Variants in DDX21 observed in about 807,000 individuals in gnomAD.
DDX21 encodes nucleolar RNA helicase 2.
DDX21 carries 18 observed loss-of-function variants against 90.0 expected under a neutral mutation model. That is an observed-to-expected ratio of 0.20 (90% CI 0.14 to 0.30). The LOEUF is 0.30. Among genes scored for constraint, DDX21 ranks in the 10% least tolerant of loss-of-function variants. The pLI is 1.00. For missense variants in DDX21, 673 were observed against 944.5 expected, an observed-to-expected ratio of 0.71 and a Z score of 3.77; for synonymous variants, 294 against 318.0, an observed-to-expected ratio of 0.92 and a Z score of 0.80.
chr10:68,978,765 G>C, intron 12 of DDX21, 77 bp from the exon 13 acceptor site: 1 of 1,522,912 alleles, frequency 6.6e-7, no homozygotes, highest in Admixed American at 2.1e-5. Context: ...AAATATTTTA[G>C]AATCACAAAA....
At chr10:68,963,234 G>T in intron 3 of DDX21, 57 bp from the exon 4 acceptor site, 1 of 1,520,734 alleles carries the variant, frequency 6.6e-7, no homozygotes, top group South Asian at 1.3e-5. Flanking sequence ...CAGTATGTCA[G>T]TATGGCTAAT....
In DDX21 at chr10:68,959,849, TAGC is replaced by T. The variant is rs771729798; in HGVS notation, c.134_136del (p.Ala45del). On this transcript the variant is annotated inframe_deletion, in exon 2 of 15. Transcript: ENST00000354185. ...CCAAAATCTGATAAGACTGAAGAGATAGCAGAAGAGGAAGAAACTGTTTTCCCC... is the reference window on the plus strand; with the variant it reads ...CCAAAATCTGATAAGACTGAAGAGATAGAAGAGGAAGAAACTGTTTTCCCC... 1 of 1,577,252 alleles carries T rather than the reference TAGC, an allele frequency of 6.3e-7. No individual in the cohort carries two copies. Among genetic ancestry groups the T allele is most frequent in the South Asian group, 1.2e-5 (1 of 83,044 alleles).
intron 6 of DDX21, among the ~76,000 whole-genome samples, chr10:68,968,542 A>G (rs7076441): frequency 0.11 from 16,754 of 152,204 alleles, 1,099 homozygotes; most frequent in Admixed American, 0.17. Flanking sequence ...TACATTGTCA[A>G]ATTCTCTCCA....
At position 68,983,793 on chromosome 10, in the gene DDX21, G is replaced by C. The variant is rs1220382383; in HGVS notation, c.*981G>C. On this transcript the variant is annotated 3_prime_UTR_variant, in exon 15 of 15. Coordinates refer to ENST00000354185, the MANE Select transcript of DDX21 (RefSeq NM_004728.4). ...AACTGGAAAGCAAAGAGAAGAACAA[G>C]TATGATTTGGATGATAAAGCATTGT... 6.6e-6 allele frequency: 1 copy of C among 151,460 alleles called. No homozygotes were observed. The highest frequency in any genetic ancestry group is 2.4e-5 in the African/African-American group (1 of 41,234). 9.4% of individuals were successfully genotyped at this position (151,460 alleles called of 1,614,324 possible).
intron 1 of DDX21, 114 bp downstream of exon 1, chr10:68,956,426 C>G (rs1842794845): frequency 6.5e-7 from 1 of 1,527,028 alleles, no homozygotes; most frequent in African/African-American, 1.4e-5. Context: ...ACAGCGCGTC[C>G]AGACACCGGG....
intron 6 of DDX21, among the ~76,000 whole-genome samples, chr10:68,967,523 G>A (rs967982733): frequency 6.6e-6 from 1 of 151,806 alleles, no homozygotes; most frequent in African/African-American, 2.4e-5. Flanking sequence ...ATTGGAATGG[G>A]GCTCATTTTA....
chr10:68,968,953 T>C (rs770911736), intron 6 of DDX21, 23 bp from the exon 7 acceptor site: 2 of 1,568,676 alleles, frequency 1.3e-6, no homozygotes, highest in Non-Finnish European at 8.7e-7. Flanking sequence ...TCATACTGAC[T>C]TTTTTTTTCC....
intron 1 of DDX21, among the ~76,000 whole-genome samples, chr10:68,958,493 G>A (rs945994729): frequency 6.6e-6 from 1 of 151,996 alleles, no homozygotes; most frequent in African/African-American, 2.4e-5. Context: ...CTGGAGTGCA[G>A]TGGCATGATC....
chr10:68,968,923 T>C, intron 6 of DDX21, 53 bp from the exon 7 acceptor site: 1 of 1,595,224 alleles, frequency 6.3e-7, no homozygotes, highest in Non-Finnish European at 8.6e-7. Context: ...TGGAATACTA[T>C]GTAGGCTTGT....
At chr10:68,963,218 A>G (rs1842895600) in intron 3 of DDX21, 73 bp from the exon 4 acceptor site, 2 of 1,451,364 alleles carry the variant, frequency 1.4e-6, no homozygotes, top group Non-Finnish European at 1.9e-6. Flanking sequence ...CATGAGTAGT[A>G]TACTTCAGTA....
chr10:68,967,423 C>T (rs1842954659), intron 6 of DDX21, among the ~76,000 whole-genome samples: 2 of 152,072 alleles, frequency 1.3e-5, no homozygotes, highest in Non-Finnish European at 2.9e-5. Context: ...ACTGCCTCAC[C>T]CTCCCAAAGT....
chr10:68,970,340 C>T lies in DDX21; in HGVS notation c.1376C>T (p.Ala459Val). ...KEAQELSQNSAIKQDAQSLHG... is the reference protein window; with the variant it reads ...KEAQELSQNSVIKQDAQSLHG... ...GCCCAGGAGCTGTCCCAGAATTCAG[C>T]TATAAAGCAGGTTGGTCCTTCCCCT... Residue 459 changes from alanine (A) to valine (V), a missense_variant, in exon 8 of 15, where the codon GCT becomes GTT. Physicochemically the swap from Ala to Val is moderately conservative, Grantham distance 64 (BLOSUM62 0). Around this residue, in one of 4 missense-constraint regions of DDX21, gnomAD observed 218 missense variants for 347.3 expected, o/e 0.63. Transcript: ENST00000354185. The T allele has an allele frequency of 1.2e-6, 2 of 1,613,702 alleles. No individual in the cohort carries two copies. Among genetic ancestry groups the T allele is most frequent in the East Asian group, 4.5e-5 (2 of 44,880 alleles).
chr10:68,971,475 G>C (rs1185587757), intron 8 of DDX21, among the ~76,000 whole-genome samples: 1 of 151,992 alleles, frequency 6.6e-6, no homozygotes, highest in African/African-American at 2.4e-5. Flanking sequence ...TCAAACCCCA[G>C]CCTCAAGCAG....
chr10:68,974,902 A>G (rs759717587), intron 11 of DDX21, among the ~76,000 whole-genome samples, 159 bp downstream of exon 11: 2 of 152,032 alleles, frequency 1.3e-5, no homozygotes, highest in South Asian at 4.1e-4. Context: ...CCTGGTCTCA[A>G]GCAGTCCTCC....
intron 9 of DDX21, among the ~76,000 whole-genome samples, chr10:68,972,937 C>G (rs1012416615): frequency 6.6e-6 from 1 of 152,164 alleles, no homozygotes; most frequent in Non-Finnish European, 1.5e-5. Flanking sequence ...GTAATCCCAG[C>G]ACCTTGGGCG....
At chr10:68,971,453 C>T (rs1405123713) in intron 8 of DDX21, among the ~76,000 whole-genome samples, 1 of 151,928 alleles carries the variant, frequency 6.6e-6, no homozygotes, top group Non-Finnish European at 1.5e-5. Flanking sequence ...TGCCATATTG[C>T]CCAGGCTGGT....
rs763804121 is a variant in DDX21 at position 68,968,968 on chromosome 10, C to G, written c.1091-8C>G. 1.2e-6 allele frequency: 2 copies of G among 1,607,164 alleles called. No individual in the cohort carries two copies. Among genetic ancestry groups the G allele is most frequent in the Non-Finnish European group, 1.7e-6 (2 of 1,177,812 alleles). On this transcript the variant is annotated splice_polypyrimidine_tract_variant and splice_region_variant and intron_variant, in intron 6 of 14. Transcript: ENST00000354185. ...TCATACTGACTTTTTTTTTCCCCCT[C>G]CTCAAAGATTCTGAAGACAATCCCC...
chr10:68,972,911 G>A (rs1408134866), intron 9 of DDX21, among the ~76,000 whole-genome samples: 2 of 152,178 alleles, frequency 1.3e-5, no homozygotes, highest in African/African-American at 2.4e-5. Context: ...TCTGACAGGC[G>A]TGGTGGCTCA....
intron 1 of DDX21, 128 bp from the exon 2 acceptor site, chr10:68,959,678 G>A (rs1842847521): frequency 1.4e-6 from 1 of 733,316 alleles, no homozygotes; most frequent in South Asian, 3.1e-5. Context: ...AAGTACAAAT[G>A]TCGAAATGCC....
Sources: gnomAD v4.1 joint callset for allele counts (sites outside exome capture counted in the v4.1 genomes callset) on GRCh38, gnomAD v4.1.1 for gene constraint, gnomAD v4.1.1 regional missense constraint, MANE v1.5 for transcripts, NCBI Gene and HGNC (gene_info 2026-07-23, HGNC 2026-07-21) for gene names.